The following ANKS1B variants were observed in gnomAD, a reference collection of about 807,000 sequenced individuals.
ANKS1B encodes ankyrin repeat and sterile alpha motif domain-containing protein 1B.
A neutral mutation model predicts 148.3 loss-of-function variants in ANKS1B; 36 were observed. The observed-to-expected ratio is 0.24, with a 90% CI of 0.19 to 0.32. The LOEUF (loss-of-function observed/expected upper bound fraction) is 0.32, where lower values mean the gene tolerates loss of function less well. Among genes scored for constraint, ANKS1B ranks in the 10% least tolerant of loss-of-function variants. The probability of loss-of-function intolerance (pLI) is 1.00; values close to 1 mark genes in which losing one functional copy is unlikely to be tolerated. For synonymous variants in ANKS1B, 542 were observed against 560.8 expected, an observed-to-expected ratio of 0.97 and a Z score of 0.47; for missense variants, 1,157 against 1,542.6, an observed-to-expected ratio of 0.75 and a Z score of 4.19.
intron 1 of ANKS1B, among the ~76,000 whole-genome samples, chr12:99,840,873 T>C (rs1252849166): frequency 6.6e-6 from 1 of 152,160 alleles, no homozygotes; most frequent in Non-Finnish European, 1.5e-5. Flanking sequence ...TTGATGAATT[T>C]AACGGCATGC....
At chr12:99,137,987 A>G (rs1356906550) in intron 15 of ANKS1B, among the ~76,000 whole-genome samples, 1 of 152,152 alleles carries the variant, frequency 6.6e-6, no homozygotes, top group East Asian at 1.9e-4. Context: ...TTGTTAATAG[A>G]TGTAAAACAC....
Position 99,043,863 on chromosome 12 carries a change from T to C in ANKS1B, c.2778+9294A>G, listed in dbSNP as rs559900154. 2.0e-5 allele frequency among the ~76,000 whole-genome samples: 3 copies of C among 152,342 alleles called. No individual in the cohort carries two copies. In the South Asian group the frequency reaches 6.2e-4, roughly 32 times the overall value. ...ACCATTATAATTTACTTTGAATCTTTATGATCAATCTCTGCCATGGCACCG... is the reference window on the plus strand; with the variant it reads ...ACCATTATAATTTACTTTGAATCTTCATGATCAATCTCTGCCATGGCACCG... On this transcript the variant is annotated intron_variant, in intron 17 of 26. Transcript: ENST00000683438.
At chr12:99,840,164 G>A (rs2085483831) in intron 1 of ANKS1B, among the ~76,000 whole-genome samples, 2 of 152,114 alleles carry the variant, frequency 1.3e-5, no homozygotes, top group African/African-American at 4.8e-5. Flanking sequence ...AAAGGCAAGA[G>A]GAACAGAGTG....
intron 17 of ANKS1B, among the ~76,000 whole-genome samples, chr12:98,879,521 T>C (rs999806635): frequency 6.6e-6 from 1 of 152,212 alleles, no homozygotes; most frequent in Non-Finnish European, 1.5e-5. Context: ...AACACTGGCA[T>C]GTTATAAAAA....
At chr12:99,188,441 G>A (rs1215027800) in intron 14 of ANKS1B, among the ~76,000 whole-genome samples, 2 of 152,146 alleles carry the variant, frequency 1.3e-5, no homozygotes, top group East Asian at 3.9e-4. Flanking sequence ...CCATATAATT[G>A]GAAGTAAAAC....
At chr12:99,822,503 C>G (rs1297748345) in intron 2 of ANKS1B, among the ~76,000 whole-genome samples, 2 of 152,082 alleles carry the variant, frequency 1.3e-5, no homozygotes, top group Non-Finnish European at 2.9e-5. Flanking sequence ...CCACAAGTAG[C>G]CAGTATTAAG....
In ANKS1B at chr12:99,162,826, G is replaced by A. The variant is rs188974417; in HGVS notation, c.2420-8431C>T. On this transcript the variant is annotated intron_variant, in intron 14 of 26. Transcript: ENST00000683438. ...CCTAATCTCAGCACTCTGGGAGGCCGAGGCAGGTGGATCACAAGGTCAGGA... is the reference window on the plus strand; with the variant it reads ...CCTAATCTCAGCACTCTGGGAGGCCAAGGCAGGTGGATCACAAGGTCAGGA... Among the ~76,000 whole-genome samples, 1,093 of 152,222 alleles carry A rather than the reference G, an allele frequency of 7.2e-3. 6 individuals carry two copies. The highest frequency in any genetic ancestry group is 0.027 in the Middle Eastern group (8 of 294).
intron 9 of ANKS1B, among the ~76,000 whole-genome samples, chr12:99,561,966 T>C (rs1469490405): frequency 1.3e-5 from 2 of 152,212 alleles, no homozygotes; most frequent in Non-Finnish European, 2.9e-5. Context: ...TCTTACATTA[T>C]ATATTTCATA....
chr12:99,709,503 C>G (rs544000300), intron 8 of ANKS1B, among the ~76,000 whole-genome samples: 8 of 152,132 alleles, frequency 5.3e-5, no homozygotes, highest in African/African-American at 1.9e-4. Context: ...TTAAGGCTCA[C>G]GACAACAGAT....
At chr12:99,080,509 T>C (rs954640230) in intron 16 of ANKS1B, among the ~76,000 whole-genome samples, 1 of 152,162 alleles carries the variant, frequency 6.6e-6, no homozygotes, top group African/African-American at 2.4e-5. Flanking sequence ...GAGCATACAA[T>C]ATAAAAGTTG....
intron 14 of ANKS1B, among the ~76,000 whole-genome samples, chr12:99,242,693 A>C (rs1034164437): frequency 3.3e-5 from 5 of 152,178 alleles, no homozygotes; most frequent in Admixed American, 1.3e-4. Context: ...ACCAAAACAG[A>C]TATATAGACC....
At chr12:99,515,842 G>C (rs1465964370) in intron 9 of ANKS1B, among the ~76,000 whole-genome samples, 3 of 151,946 alleles carry the variant, frequency 2.0e-5, no homozygotes, top group Admixed American at 2.0e-4. Flanking sequence ...CCTGTCTTTT[G>C]GATAAAAGTC....
At chr12:99,320,009 G>C (rs191011352) in intron 12 of ANKS1B, among the ~76,000 whole-genome samples, 6 of 152,298 alleles carry the variant, frequency 3.9e-5, no homozygotes, top group Admixed American at 1.3e-4. Flanking sequence ...TAAGAATGTT[G>C]AATATTGGCC....
chr12:99,611,941 T>A (rs1384709859), intron 9 of ANKS1B, among the ~76,000 whole-genome samples: 1 of 152,108 alleles, frequency 6.6e-6, no homozygotes, highest in Non-Finnish European at 1.5e-5. Context: ...ATTTTTCACA[T>A]ATGAGAAGTT....
At chr12:99,115,022 T>C (rs1014805373) in intron 15 of ANKS1B, among the ~76,000 whole-genome samples, 1 of 152,148 alleles carries the variant, frequency 6.6e-6, no homozygotes, top group African/African-American at 2.4e-5. Context: ...TTACACACGA[T>C]GGGATCATAA....
At chr12:99,883,623 G>GGA (rs1565922704) in intron 1 of ANKS1B, among the ~76,000 whole-genome samples, 3 of 150,950 alleles carry the variant, frequency 2.0e-5, no homozygotes, top group Non-Finnish European at 4.4e-5. Context: ...GGGCAGGGGG[G>GGA]AATCTGCAAA....
intron 9 of ANKS1B, among the ~76,000 whole-genome samples, chr12:99,530,110 TA>T (rs1269650716): frequency 3.6e-4 from 55 of 152,168 alleles, no homozygotes; most frequent in African/African-American, 1.3e-3. Context: ...AATATGTAAA[TA>T]GAAAAGCTTG....
intron 15 of ANKS1B, chr12:99,104,591 T>G (rs1388756582): frequency 2.6e-5 from 4 of 152,220 alleles, no homozygotes; most frequent in Non-Finnish European, 5.9e-5. Context: ...TAGGCATCGT[T>G]GCACTTGGTA....
intron 15 of ANKS1B, among the ~76,000 whole-genome samples, chr12:99,127,249 C>T (rs1324591807): frequency 6.6e-6 from 1 of 152,106 alleles, no homozygotes; most frequent in African/African-American, 2.4e-5. Flanking sequence ...TGGAGATGCT[C>T]GCTGAGGTGG....
Sources: gnomAD v4.1 joint callset for allele counts (sites outside exome capture counted in the v4.1 genomes callset) on GRCh38, gnomAD v4.1.1 for gene constraint, MANE v1.5 for transcripts, NCBI Gene and HGNC (gene_info 2026-07-23, HGNC 2026-07-21) for gene names.